Variants in CELSR1 observed in about 807,000 individuals in gnomAD.
CELSR1 encodes the protein adhesion G protein-coupled receptor C1.
In CELSR1, 110 loss-of-function variants were observed where a neutral mutation model predicts 249.1. That is an observed-to-expected ratio of 0.44 (90% CI 0.38 to 0.52). CELSR1 has a LOEUF of 0.52. Ranked by LOEUF, CELSR1 falls within the 20% of genes least tolerant of loss-of-function variation. The pLI is 0.00. For missense variants in CELSR1, 4,109 were observed against 4,296.4 expected (o/e 0.96, Z 1.22); for synonymous variants, 2,113 against 1,900.0 (o/e 1.11, Z -2.92).
chr22:46,508,316 G>A (rs570211990), intron 1 of CELSR1, among the ~76,000 whole-genome samples: 174 of 151,856 alleles, frequency 1.1e-3, no homozygotes, highest in African/African-American at 4.1e-3. Flanking sequence ...GATTTGCCCC[G>A]GGAGGAAGGT....
chr22:46,503,615 C>A (rs2080486767), intron 1 of CELSR1, among the ~76,000 whole-genome samples: 1 of 152,184 alleles, frequency 6.6e-6, no homozygotes, highest in Non-Finnish European at 1.5e-5. Context: ...CTCATGCAAC[C>A]CTACGGGGTC....
Position 46,409,681 on chromosome 22 carries a change from G to A in CELSR1, c.5059+74C>T, listed in dbSNP as rs1000805025. 6.3e-7 allele frequency: 1 copy of A among 1,578,958 alleles called. No individual in the cohort carries two copies. On this transcript the variant is annotated intron_variant, in intron 8 of 34. Transcript: ENST00000674500. This position sits in a 1 kb window ranked among gnomAD's most constrained non-coding sequence, Gnocchi z 9.8. ...CCTGGATGTGAAGCCCCCTCACGGT[G>A]GTCCCGGGCACATCAAGGAGCAATG...
Position 46,484,097 on chromosome 22 carries a change from C to A in CELSR1, c.3545-19752G>T, listed in dbSNP as rs2080292301. Reference sequence around the variant, plus strand: ...CGCTCTGCCCTGGCTCTCAGACTCACCTGTAGGGAGGAGCGCCCCAGGCCT... The same window carrying A: ...CGCTCTGCCCTGGCTCTCAGACTCAACTGTAGGGAGGAGCGCCCCAGGCCT... On this transcript the variant is annotated intron_variant, in intron 1 of 34. Coordinates refer to ENST00000674500, the MANE Select transcript of CELSR1 (RefSeq NM_001378328.1). This position sits in a 1 kb window ranked among gnomAD's most constrained non-coding sequence, Gnocchi z 4.5. 6.6e-6 allele frequency among the ~76,000 whole-genome samples: 1 copy of A among 152,206 alleles called. No individual in the cohort carries two copies. The highest frequency in any genetic ancestry group is 2.4e-5 in the African/African-American group (1 of 41,454).
At chr22:46,462,259 A>C (rs941843314) in intron 2 of CELSR1, among the ~76,000 whole-genome samples, 1 of 152,234 alleles carries the variant, frequency 6.6e-6, no homozygotes, top group African/African-American at 2.4e-5. Flanking sequence ...ACCACGGGGC[A>C]GGTGACCACA....
In CELSR1 at chr22:46,535,984, G is replaced by C; in HGVS notation, c.1187C>G (p.Ala396Gly). 6.2e-7 allele frequency: 1 copy of C among 1,610,608 alleles called. No homozygotes were observed. The highest frequency in any genetic ancestry group is 1.1e-5 in the South Asian group (1 of 91,070). Residue 396 changes from alanine (A) to glycine (G), a missense_variant, in exon 1 of 35, where the codon GCG becomes GGG. Ala to Gly is a moderately conservative substitution (Grantham distance 60). Transcript: ENST00000674500. Reference protein sequence around the residue: ...ANLRYRVLGGAWDVFQLNESS... With the variant: ...ANLRYRVLGGGWDVFQLNESS... ...CTCGTTGAGCTGGAAGACGTCCCAC[G>C]CGCCCCCCAACACGCGGTAACGCAA... is the stretch of plus-strand genomic sequence containing the variant.
chr22:46,473,781 T>G lies in CELSR1; in HGVS notation c.3545-9436A>C, dbSNP rs964715034. ...GGCTCCCATTCAAAGCCAGGGAACTTTGAAGTGGCTGTGTGCGTCTCTCTC... is the reference window on the plus strand; with the variant it reads ...GGCTCCCATTCAAAGCCAGGGAACTGTGAAGTGGCTGTGTGCGTCTCTCTC... On this transcript the variant is annotated intron_variant, in intron 1 of 34. Transcript: ENST00000674500. This position sits in a 1 kb window ranked among gnomAD's most constrained non-coding sequence, Gnocchi z 6.6. Among the ~76,000 whole-genome samples the G allele has an allele frequency of 6.6e-6, 1 of 152,142 alleles. No individual in the cohort carries two copies. Among genetic ancestry groups the G allele is most frequent in the African/African-American group, 2.4e-5 (1 of 41,428 alleles).
chr22:46,531,513 T>C (rs1052194381), intron 1 of CELSR1, among the ~76,000 whole-genome samples: 23 of 152,320 alleles, frequency 1.5e-4, no homozygotes, highest in African/African-American at 5.1e-4. Flanking sequence ...GTCATATGCC[T>C]GCTTTAAAGC....
At chr22:46,368,493 C>T (rs7292180) in intron 27 of CELSR1, among the ~76,000 whole-genome samples, 13,339 of 151,768 alleles carry the variant, frequency 0.088, 1,964 homozygotes, top group African/African-American at 0.3. Flanking sequence ...TCTCTCCTCC[C>T]GGGCCGGGAG....
chr22:46,451,258 G>A lies in CELSR1; in HGVS notation c.4184-11847C>T, dbSNP rs565975017. Among the ~76,000 whole-genome samples the A allele has an allele frequency of 1.1e-4, 16 of 152,294 alleles. No homozygotes were observed. The South Asian group carries it at 1.7e-3, about 16-fold the overall frequency. On this transcript the variant is annotated intron_variant, in intron 2 of 34. Transcript: ENST00000674500. ...CCCTCAGCAGGAGGCCCAGACCCCC[G>A]CCCCACAAGGAGGGAGCTGGGAAGG...
At chr22:46,485,001 G>A (rs1284082949) in intron 1 of CELSR1, among the ~76,000 whole-genome samples, 1 of 151,918 alleles carries the variant, frequency 6.6e-6, no homozygotes, top group Non-Finnish European at 1.5e-5. Flanking sequence ...TAAATTTCAA[G>A]AGACTGATTC....
chr22:46,490,529 C>T lies in CELSR1; in HGVS notation c.3545-26184G>A, dbSNP rs775796289. On this transcript the variant is annotated intron_variant, in intron 1 of 34. Transcript: ENST00000674500. The surrounding 1 kb of genome is among the most constrained non-coding windows in gnomAD (Gnocchi z 5.2). ...CTCGAACTCCTGACCGCAGGCGAGC[C>T]GCCCCCCTCCGCCTCCCAAAATGTT... Among the ~76,000 whole-genome samples, 9 of 152,034 alleles carry T rather than the reference C, an allele frequency of 5.9e-5. No individual in the cohort carries two copies. The highest frequency in any genetic ancestry group is 2.2e-4 in the African/African-American group (9 of 41,372).
intron 5 of CELSR1, among the ~76,000 whole-genome samples, chr22:46,419,328 T>C (rs1327998811): frequency 6.6e-6 from 1 of 152,134 alleles, no homozygotes; most frequent in East Asian, 1.9e-4. Context: ...CTCTTGGGGA[T>C]TTTATAGGCA....
intron 12 of CELSR1, among the ~76,000 whole-genome samples, chr22:46,397,177 C>T (rs1164905368): frequency 6.6e-6 from 1 of 151,924 alleles, no homozygotes; most frequent in African/African-American, 2.4e-5. Context: ...GATCTCAGCT[C>T]ACTGGAACCT....
Position 46,536,870 on chromosome 22 carries a change from G to T in CELSR1, c.301C>A (p.Leu101Met). The T allele has an allele frequency of 8.9e-6, 11 of 1,233,472 alleles. No individual in the cohort carries two copies. Among genetic ancestry groups the T allele is most frequent in the Non-Finnish European group, 1.1e-5 (11 of 982,882 alleles). The allele number at this position is 1,233,472 out of a possible 1,614,324, so 76.4% of individuals were successfully genotyped here. ...GTGCGCGCCCGCAGGCGGCGGCTCA[G>T]CGCCGTCGGGGCACTGCGGGCCACC... ...RLVARSAPTA[L>M]SRRLRARTHL... Residue 101 changes from leucine to methionine, a missense_variant, in exon 1 of 35, where the codon CTG becomes ATG. Physicochemically the swap from Leu to Met is conservative, Grantham distance 15. Coordinates refer to ENST00000674500, the MANE Select transcript of CELSR1 (RefSeq NM_001378328.1).
At position 46,534,595 on chromosome 22, in the gene CELSR1, G is replaced by C. The variant is rs375675019; in HGVS notation, c.2576C>G (p.Thr859Arg). 88 of 1,613,760 alleles carry C rather than the reference G, an allele frequency of 5.5e-5. No individual in the cohort carries two copies. Among genetic ancestry groups the C allele is most frequent in the Non-Finnish European group, 7.3e-5 (86 of 1,180,044 alleles). ...GTTGTCCTGGGCCATGATGGTCAGCGTGTAGGCGACCTGGTTCTCATAGTC... is the reference window on the plus strand; with the variant it reads ...GTTGTCCTGGGCCATGATGGTCAGCCTGTAGGCGACCTGGTTCTCATAGTC... ...ELDYENQVAY[T>R]LTIMAQDNGI... Residue 859 changes from threonine (T) to arginine (R), a missense_variant, in exon 1 of 35, where the codon ACG becomes AGG. Thr to Arg is a moderately conservative substitution (Grantham distance 71). This residue lies in a region of CELSR1 where 886 missense variants were observed against 896.5 expected (regional missense o/e 0.99). Coordinates refer to ENST00000674500, the MANE Select transcript of CELSR1 (RefSeq NM_001378328.1). The surrounding 1 kb of genome is among the most constrained non-coding windows in gnomAD (Gnocchi z 9.7).
rs939835759 is a variant in CELSR1 at position 46,402,611 on chromosome 22, T to C, written c.5227-2709A>G. 2.0e-5 allele frequency among the ~76,000 whole-genome samples: 3 copies of C among 152,126 alleles called. No homozygotes were observed. Among genetic ancestry groups the C allele is most frequent in the East Asian group, 3.8e-4 (2 of 5,198 alleles). On this transcript the variant is annotated intron_variant, in intron 9 of 34. Coordinates refer to ENST00000674500, the MANE Select transcript of CELSR1 (RefSeq NM_001378328.1). This position sits in a 1 kb window ranked among gnomAD's most constrained non-coding sequence, Gnocchi z 5.0. Reference sequence around the variant, plus strand: ...TATACGAGGATATAAGGTAATATGCTTGAAAACCAAGAGAAGCAAGGAAGA... The same window carrying C: ...TATACGAGGATATAAGGTAATATGCCTGAAAACCAAGAGAAGCAAGGAAGA...
rs751113484 is a variant in CELSR1, at chr22:46,448,751, T to C, written c.4184-9340A>G. Among the ~76,000 whole-genome samples the C allele has an allele frequency of 2.6e-5, 4 of 152,026 alleles. No individual in the cohort carries two copies. Among genetic ancestry groups the C allele is most frequent in the Non-Finnish European group, 5.9e-5 (4 of 68,008 alleles). On this transcript the variant is annotated intron_variant, in intron 2 of 34. Transcript: ENST00000674500. This position sits in a 1 kb window ranked among gnomAD's most constrained non-coding sequence, Gnocchi z 5.7. ...AGGGCAATTTCAAAGTCAGGTCATA[T>C]CACGCAAATGCACAAAACCTGAAGT...
intron 1 of CELSR1, among the ~76,000 whole-genome samples, chr22:46,469,733 C>A (rs929870696): frequency 1.3e-5 from 2 of 151,170 alleles, no homozygotes; most frequent in Non-Finnish European, 2.9e-5. Context: ...AGGCTGGTCT[C>A]GAACTCCTGA....
In CELSR1 at chr22:46,434,274, G is replaced by A. The variant is rs1202554452; in HGVS notation, c.4523-793C>T. ...TGTCATTTCCACCCCTTGAGCTCCT[G>A]CTGGAGTGGGGCGGGCGAGTCCCTT... On this transcript the variant is annotated intron_variant, in intron 4 of 34. Coordinates refer to ENST00000674500, the MANE Select transcript of CELSR1 (RefSeq NM_001378328.1). This position sits in a 1 kb window ranked among gnomAD's most constrained non-coding sequence, Gnocchi z 4.9. Among the ~76,000 whole-genome samples, 2 of 152,240 alleles carry A rather than the reference G, an allele frequency of 1.3e-5. No homozygotes were observed. The highest frequency in any genetic ancestry group is 2.9e-5 in the Non-Finnish European group (2 of 68,050).
Sources: gnomAD v4.1 joint callset for allele counts (sites outside exome capture counted in the v4.1 genomes callset) on GRCh38, gnomAD v4.1.1 for gene constraint, gnomAD v4.1.1 regional missense constraint, Gnocchi (gnomAD v3.1) non-coding constraint, MANE v1.5 for transcripts, NCBI Gene and HGNC (gene_info 2026-07-23, HGNC 2026-07-21) for gene names.